Variants in GRID2IP observed in about 807,000 individuals in gnomAD.
GRID2IP encodes the protein delphilin.
In GRID2IP, 78 loss-of-function variants were observed where a neutral mutation model predicts 114.3. That is an observed-to-expected ratio of 0.68 (90% confidence interval 0.57 to 0.82). GRID2IP has a LOEUF of 0.82. Ranked by LOEUF, GRID2IP falls within the 40% of genes least tolerant of loss-of-function variation. The pLI, the probability that GRID2IP is intolerant of heterozygous loss-of-function variation, is 0.00. For synonymous variants in GRID2IP, 809 were observed against 724.0 expected, an observed-to-expected ratio of 1.12 and a Z score of -1.89; for missense variants, 1,727 against 1,678.5, an observed-to-expected ratio of 1.03 and a Z score of -0.51.
chr7:6,529,177 G>A (rs1211769746), intron 2 of GRID2IP, among the ~76,000 whole-genome samples: 4 of 152,180 alleles, frequency 2.6e-5, no homozygotes, highest in African/African-American at 4.8e-5. Flanking sequence ...TCGTCCGGGC[G>A]CGGTGGCTCA....
chr7:6,547,034 T>C (rs560869161), intron 1 of GRID2IP, among the ~76,000 whole-genome samples: 1 of 152,296 alleles, frequency 6.6e-6, no homozygotes, highest in South Asian at 2.1e-4. Flanking sequence ...TTCTGCCCAA[T>C]GAGCATTGAG....
chr7:6,549,501 G>A (rs1376505775), intron 1 of GRID2IP, among the ~76,000 whole-genome samples: 1 of 152,224 alleles, frequency 6.6e-6, no homozygotes, highest in Non-Finnish European at 1.5e-5. Flanking sequence ...GCAGATTGGT[G>A]AAGCCAAACT....
In GRID2IP at chr7:6,508,087, C is replaced by A. The variant is rs1247417690; in HGVS notation, c.2442G>T (p.Leu814=). The A allele has an allele frequency of 1.3e-6, 2 of 1,540,412 alleles. No homozygotes were observed. Among genetic ancestry groups the A allele is most frequent in the South Asian group, 1.2e-5 (1 of 83,730 alleles). ...PPPVPCAPPM[L]SRGLGHRRSE... is the part of the protein sequence containing the mutation. ...TGCGCCGGTGGCCCAGGCCCCGGGA[C>A]AGCATGGGGGGTGCACAGGGCACGG... Residue 814 remains leucine (L), a synonymous_variant, in exon 13 of 22, where the codon CTG becomes CTT. Transcript: ENST00000457091. The surrounding 1 kb of genome is among the most constrained non-coding windows in gnomAD (Gnocchi z 5.6).
rs565532131 is a variant in GRID2IP at position 6,505,319 on chromosome 7, G to T, written c.2633-449C>A. 3.4e-4 allele frequency among the ~76,000 whole-genome samples: 52 copies of T among 151,200 alleles called. 1 individual carries two copies. The highest frequency in any genetic ancestry group is 1.2e-3 in the African/African-American group (50 of 41,216). On this transcript the variant is annotated intron_variant, in intron 14 of 21. Transcript: ENST00000457091. ...GAGTTGCCATGGGATTTAGAAATGA[G>T]AGTCCCTGGTGTTTGATCACTGCAC...
Position 6,509,789 on chromosome 7 carries a change from T to C in GRID2IP, c.1772-476A>G, listed in dbSNP as rs1381813095. On this transcript the variant is annotated intron_variant, in intron 11 of 21. Transcript: ENST00000457091. The surrounding 1 kb of genome is among the most constrained non-coding windows in gnomAD (Gnocchi z 4.9). The stretch of plus-strand genomic sequence containing the variant: ...CTTGATCATTTATCCAATAACCACT[T>C]GCTAACTCGGGGACTTCCTCAGAAT... 6.6e-6 allele frequency among the ~76,000 whole-genome samples: 1 copy of C among 152,206 alleles called. No homozygotes were observed. Among genetic ancestry groups the C allele is most frequent in the Admixed American group, 6.5e-5 (1 of 15,278 alleles).
Position 6,508,344 on chromosome 7 carries a change from C to T in GRID2IP, c.2185G>A (p.Asp729Asn), listed in dbSNP as rs954106974. 43 of 1,551,414 alleles carry T rather than the reference C, an allele frequency of 2.8e-5. No individual in the cohort carries two copies. The Middle Eastern group carries it at 6.7e-4, about 24-fold the overall frequency. ...FVTNERSSASDCISSSEEGSS... is the reference protein window; with the variant it reads ...FVTNERSSASNCISSSEEGSS... ...CCTTCTTCACTGCTGCTGATGCAGT[C>T]GCTGGCGCTGCTCCGCTCATTGGTT... is the stretch of plus-strand genomic sequence containing the variant. The change falls in exon 13 of 22, where the codon GAC becomes AAC. Residue 729 changes from aspartate to asparagine, a missense_variant. Coordinates refer to ENST00000457091, the MANE Select transcript of GRID2IP (RefSeq NM_001145118.2). The surrounding 1 kb of genome is among the most constrained non-coding windows in gnomAD (Gnocchi z 5.6).
At chr7:6,524,883 A>AT (rs1779479665) in intron 4 of GRID2IP, among the ~76,000 whole-genome samples, 2 of 151,630 alleles carry the variant, frequency 1.3e-5, no homozygotes, top group Admixed American at 6.5e-5. Context: ...CACCTGGCTA[A>AT]TTTTTTTCTG....
At chr7:6,527,399 A>T (rs1006126080) in intron 2 of GRID2IP, among the ~76,000 whole-genome samples, 1 of 152,158 alleles carries the variant, frequency 6.6e-6, no homozygotes, top group African/African-American at 2.4e-5. Flanking sequence ...TCCGTACCCA[A>T]CACTGGCCTC....
rs1779401383 is a variant in GRID2IP, at chr7:6,521,010, G to T, written c.1085-249C>A. Among the ~76,000 whole-genome samples the T allele has an allele frequency of 6.6e-6, 1 of 152,136 alleles. No homozygotes were observed. Among genetic ancestry groups the T allele is most frequent in the South Asian group, 2.1e-4 (1 of 4,824 alleles). On this transcript the variant is annotated intron_variant, in intron 6 of 21. Coordinates refer to ENST00000457091, the MANE Select transcript of GRID2IP (RefSeq NM_001145118.2). The surrounding 1 kb of genome is among the most constrained non-coding windows in gnomAD (Gnocchi z 4.1). ...TTTTGAGACAGAGTCTTGCTCTGTT[G>T]CCCAGGCGGGAGTGCAATGGCGTGA...
intron 2 of GRID2IP, chr7:6,531,330 C>T (rs1372832090): frequency 5.1e-6 from 2 of 389,640 alleles, no homozygotes; most frequent in Non-Finnish European, 4.5e-6. Flanking sequence ...CTCTGGGGTG[C>T]AGCGGAAACT....
chr7:6,509,163 G>T lies in GRID2IP; in HGVS notation c.1922C>A (p.Pro641Gln), dbSNP rs1019226503. 24 of 1,472,534 alleles carry T rather than the reference G, an allele frequency of 1.6e-5. No homozygotes were observed. The highest frequency in any genetic ancestry group is 2.0e-5 in the Non-Finnish European group (22 of 1,110,612). 91.2% of individuals were successfully genotyped at this position (1,472,534 alleles called of 1,614,324 possible). ...GCAGATGGGCCCGGGGCCTGGCTGT[G>T]GGGAGGGTGCCCTGCTGCTGTCCAG... ...ASLDSSRAPSPQPGPGPICPD... is the reference protein window; with the variant it reads ...ASLDSSRAPSQQPGPGPICPD... The change falls in exon 12 of 22, where the codon CCA becomes CAA. Residue 641 changes from proline (P) to glutamine (Q), a missense_variant. Coordinates refer to ENST00000457091, the MANE Select transcript of GRID2IP (RefSeq NM_001145118.2). This position sits in a 1 kb window ranked among gnomAD's most constrained non-coding sequence, Gnocchi z 4.9.
chr7:6,525,506 C>T (rs1410773309), intron 4 of GRID2IP, among the ~76,000 whole-genome samples: 1 of 151,708 alleles, frequency 6.6e-6, no homozygotes, highest in African/African-American at 2.4e-5. Context: ...GCCTGTGGTC[C>T]CAGCTACTCT....
chr7:6,537,344 G>A (rs1779743352), intron 2 of GRID2IP, among the ~76,000 whole-genome samples: 1 of 142,422 alleles, frequency 7.0e-6, no homozygotes. Context: ...AGGAGTTCGA[G>A]ACCAGCCTGG....
intron 2 of GRID2IP, chr7:6,531,256 C>T (rs1562522286): frequency 2.4e-6 from 1 of 413,660 alleles, no homozygotes; most frequent in South Asian, 7.6e-5. Flanking sequence ...CGCCCTGGCC[C>T]CTTTTGGTGG....
In GRID2IP at chr7:6,497,640, G is replaced by C. The variant is rs575672320; in HGVS notation, c.*134C>G. ...AGGGCCCGACCACAGCTCGGCGGCTGAGGTAGCTGCAGGAGAGGCTGGCGG... is the reference window on the plus strand; with the variant it reads ...AGGGCCCGACCACAGCTCGGCGGCTCAGGTAGCTGCAGGAGAGGCTGGCGG... On this transcript the variant is annotated 3_prime_UTR_variant, in exon 22 of 22. Transcript: ENST00000457091. 3 of 618,968 alleles carry C rather than the reference G, an allele frequency of 4.8e-6. No homozygotes were observed. Among genetic ancestry groups the C allele is most frequent in the Middle Eastern group, 4.3e-4 (1 of 2,322 alleles). The allele number at this position is 618,968 out of a possible 1,614,324, so 38.3% of individuals were successfully genotyped here.
intron 20 of GRID2IP, among the ~76,000 whole-genome samples, chr7:6,499,568 T>C (rs140446718): frequency 0.011 from 1,673 of 151,874 alleles, 33 homozygotes; most frequent in African/African-American, 0.038. Context: ...GTAGCTGGGA[T>C]TACAGGCACA....
At chr7:6,540,944 C>T (rs1779807652) in intron 1 of GRID2IP, among the ~76,000 whole-genome samples, 1 of 152,068 alleles carries the variant, frequency 6.6e-6, no homozygotes, top group Non-Finnish European at 1.5e-5. Context: ...TCAAGTGATC[C>T]TCCCTCTTTA....
Position 6,507,995 on chromosome 7 carries a change from A to C in GRID2IP, c.2534T>G (p.Ile845Ser). The C allele has an allele frequency of 6.5e-7, 1 of 1,549,854 alleles. No homozygotes were observed. The highest frequency in any genetic ancestry group is 8.7e-7 in the Non-Finnish European group (1 of 1,146,752). The change falls in exon 13 of 22, where the codon ATC becomes AGC. Residue 845 changes from isoleucine to serine, a missense_variant. Physicochemically the swap from Ile to Ser is moderately radical, Grantham distance 142. Coordinates refer to ENST00000457091, the MANE Select transcript of GRID2IP (RefSeq NM_001145118.2). This position sits in a 1 kb window ranked among gnomAD's most constrained non-coding sequence, Gnocchi z 5.3. ...WEQVENSEGT[I>S]WGQLGEDSDY... Reference sequence around the variant, plus strand: ...TCCCAGGTCACCTACCTGACCCCAGATGGTGCCTTCTGAGTTCTCCACCTG... The same window carrying C: ...TCCCAGGTCACCTACCTGACCCCAGCTGGTGCCTTCTGAGTTCTCCACCTG...
At chr7:6,541,677 C>T (rs923421312) in intron 1 of GRID2IP, among the ~76,000 whole-genome samples, 19 of 152,046 alleles carry the variant, frequency 1.2e-4, no homozygotes, top group African/African-American at 4.1e-4. Context: ...ACGTTGGAAA[C>T]GAGTGTGCAA....
Sources: allele counts gnomAD v4.1 joint callset (sites outside exome capture counted in the v4.1 genomes callset), GRCh38; gene constraint gnomAD v4.1.1; non-coding constraint Gnocchi (gnomAD v3.1); transcripts MANE v1.5; gene names NCBI Gene and HGNC (gene_info 2026-07-23, HGNC 2026-07-21).